ST7: variants seen among roughly 807,000 people sequenced by gnomAD.
ST7 encodes suppressor of tumorigenicity 7 protein.
In ST7, 28 loss-of-function variants were observed where a neutral mutation model predicts 78.7. The ratio of observed to expected loss-of-function variants is 0.36; its 90% CI spans 0.26 to 0.49. The LOEUF is 0.49. Among genes scored for constraint, ST7 ranks in the 20% least tolerant of loss-of-function variants. The probability of loss-of-function intolerance (pLI) is 0.99; values close to 1 mark genes in which losing one functional copy is unlikely to be tolerated. For synonymous variants in ST7, 247 were observed against 249.6 expected, an observed-to-expected ratio of 0.99 and a Z score of 0.10; for missense variants, 418 against 696.0, an observed-to-expected ratio of 0.60 and a Z score of 4.49.
At chr7:117,081,427 T>C (rs2116612158) in intron 1 of ST7, among the ~76,000 whole-genome samples, 1 of 152,310 alleles carries the variant, frequency 6.6e-6, no homozygotes, top group Non-Finnish European at 1.5e-5. Flanking sequence ...CCCCACAATT[T>C]ATTAAATTTT....
chr7:116,961,649 G>A (rs2116171146), intron 1 of ST7, among the ~76,000 whole-genome samples: 1 of 151,520 alleles, frequency 6.6e-6, no homozygotes, highest in African/African-American at 2.4e-5. Context: ...TGGCCTGACT[G>A]TTGTTGGTGT....
At chr7:117,135,856 G>A (rs986663416) in intron 7 of ST7, among the ~76,000 whole-genome samples, 1 of 152,108 alleles carries the variant, frequency 6.6e-6, no homozygotes, top group Non-Finnish European at 1.5e-5. Flanking sequence ...AAGTCCACAT[G>A]TGAGCCCCAT....
At chr7:117,063,301 A>T (rs561880808) in intron 1 of ST7, among the ~76,000 whole-genome samples, 12 of 152,314 alleles carry the variant, frequency 7.9e-5, no homozygotes, top group Admixed American at 3.3e-4. Flanking sequence ...TTTTTGCTTT[A>T]AGCCCAGGAC....
chr7:117,003,600 T>C (rs1302459758), intron 1 of ST7, among the ~76,000 whole-genome samples: 1 of 151,960 alleles, frequency 6.6e-6, no homozygotes, highest in Non-Finnish European at 1.5e-5. Flanking sequence ...TGGCTAATTT[T>C]TGTATAACTT....
At chr7:117,094,497 C>T (rs1405049708) in intron 1 of ST7, among the ~76,000 whole-genome samples, 4 of 152,188 alleles carry the variant, frequency 2.6e-5, no homozygotes, top group Admixed American at 2.6e-4. Flanking sequence ...CGATGACTTG[C>T]TTCTCTCACC....
At chr7:116,996,121 G>A (rs1056415667) in intron 1 of ST7, among the ~76,000 whole-genome samples, 12 of 139,732 alleles carry the variant, frequency 8.6e-5, no homozygotes, top group Admixed American at 3.1e-4. Flanking sequence ...TTGCTCTGTC[G>A]TCCAGGTTGG....
intron 9 of ST7, among the ~76,000 whole-genome samples, chr7:117,158,606 G>A (rs1321783428): frequency 1.3e-5 from 2 of 152,134 alleles, no homozygotes; most frequent in East Asian, 1.9e-4. Context: ...CTTTTCAATG[G>A]ATGCAGCTTA....
chr7:117,036,994 A>G (rs1195380798), intron 1 of ST7, among the ~76,000 whole-genome samples: 1 of 152,130 alleles, frequency 6.6e-6, no homozygotes, highest in Non-Finnish European at 1.5e-5. Context: ...CTCTAACACA[A>G]GTAAAAAGCC....
chr7:116,960,273 T>G (rs1792756924), intron 1 of ST7, among the ~76,000 whole-genome samples: 1 of 152,080 alleles, frequency 6.6e-6, no homozygotes, highest in Non-Finnish European at 1.5e-5. Context: ...GACTGCAACC[T>G]CTGCCTCCTG....
At chr7:117,065,919 G>A (rs1307919106) in intron 1 of ST7, among the ~76,000 whole-genome samples, 1 of 152,132 alleles carries the variant, frequency 6.6e-6, no homozygotes, top group African/African-American at 2.4e-5. Flanking sequence ...ATCTGACCAT[G>A]GTTCCTGAAA....
chr7:117,176,160 C>T (rs1178369897), intron 10 of ST7, among the ~76,000 whole-genome samples: 7 of 152,160 alleles, frequency 4.6e-5, no homozygotes, highest in Non-Finnish European at 8.8e-5. Flanking sequence ...ATATTTACTC[C>T]GTTAAGTCAT....
At chr7:117,225,142 G>C (rs1171804950) in intron 15 of ST7, among the ~76,000 whole-genome samples, 1 of 152,138 alleles carries the variant, frequency 6.6e-6, no homozygotes, top group African/African-American at 2.4e-5. Context: ...AATACACCTG[G>C]GTGTTCTCTA....
intron 1 of ST7, among the ~76,000 whole-genome samples, chr7:117,078,568 A>G (rs1799524984): frequency 1.3e-5 from 2 of 152,236 alleles, no homozygotes; most frequent in Non-Finnish European, 2.9e-5. Context: ...TAAAACCCAG[A>G]GTGAGGCATA....
intron 1 of ST7, among the ~76,000 whole-genome samples, chr7:117,059,418 G>T (rs1261664105): frequency 6.6e-6 from 1 of 152,124 alleles, no homozygotes; most frequent in African/African-American, 2.4e-5. Context: ...GTCAAGGCAA[G>T]AAATATGTCT....
intron 1 of ST7, among the ~76,000 whole-genome samples, chr7:117,051,280 G>C (rs1797779983): frequency 6.6e-6 from 1 of 152,190 alleles, no homozygotes; most frequent in African/African-American, 2.4e-5. Context: ...TACCTAATAG[G>C]GTGCAGAGAT....
chr7:117,017,631 T>A (rs1795677758), intron 1 of ST7, among the ~76,000 whole-genome samples: 1 of 152,126 alleles, frequency 6.6e-6, no homozygotes, highest in Non-Finnish European at 1.5e-5. Flanking sequence ...ATGACTTTTT[T>A]TTTGGAGGGG....
intron 1 of ST7, among the ~76,000 whole-genome samples, chr7:116,957,773 A>C (rs1792585194): frequency 6.6e-6 from 1 of 152,218 alleles, no homozygotes; most frequent in African/African-American, 2.4e-5. Flanking sequence ...TGTTGATGGC[A>C]CTTTCTCATC....
chr7:117,045,929 A>G (rs768464128), intron 1 of ST7, among the ~76,000 whole-genome samples: 2 of 152,244 alleles, frequency 1.3e-5, no homozygotes, highest in Admixed American at 6.5e-5. Flanking sequence ...GAGGGGTTCT[A>G]ACCCCCAGTG....
chr7:116,962,163 C>G (rs1030224195), intron 1 of ST7, among the ~76,000 whole-genome samples: 2 of 152,156 alleles, frequency 1.3e-5, no homozygotes, highest in Non-Finnish European at 2.9e-5. Context: ...ACGTGTACCA[C>G]ATTTTCTTTA....
Sources: allele counts gnomAD v4.1 joint callset (sites outside exome capture counted in the v4.1 genomes callset), GRCh38; gene constraint gnomAD v4.1.1; transcripts MANE v1.5; gene names NCBI Gene and HGNC (gene_info 2026-07-23, HGNC 2026-07-21).